The following CFAP299 variants were observed in gnomAD, a reference collection of about 807,000 sequenced individuals.
CFAP299 encodes cilia- and flagella-associated protein 299.
In CFAP299, 21 loss-of-function variants were observed where a neutral mutation model predicts 27.0. The ratio of observed to expected loss-of-function variants is 0.78; its 90% CI spans 0.55 to 1.12. CFAP299 has a LOEUF of 1.12. Ranked by LOEUF, CFAP299 falls within the 50% of genes most tolerant of loss-of-function variation. CFAP299 has a pLI of 0.00. For missense variants in CFAP299, 310 were observed against 276.6 expected (o/e 1.12, Z -0.86); for synonymous variants, 104 against 98.1 (o/e 1.06, Z -0.36).
chr4:80,809,118 A>G (rs1468793540), intron 3 of CFAP299, among the ~76,000 whole-genome samples: 1 of 152,098 alleles, frequency 6.6e-6, no homozygotes, highest in East Asian at 1.9e-4. Context: ...AAGCCAACAA[A>G]CTATTTATAG....
At chr4:80,895,993 C>T (rs1162701838) in intron 4 of CFAP299, among the ~76,000 whole-genome samples, 1 of 152,010 alleles carries the variant, frequency 6.6e-6, no homozygotes, top group Non-Finnish European at 1.5e-5. Context: ...TAACTTCTTT[C>T]ATTTTTAATT....
intron 3 of CFAP299, among the ~76,000 whole-genome samples, chr4:80,840,333 A>G (rs1215632584): frequency 1.3e-5 from 2 of 152,148 alleles, no homozygotes; most frequent in African/African-American, 4.8e-5. Context: ...AATGGTAAAC[A>G]AAAAGCAGAA....
At chr4:80,499,949 T>TA (rs1731659872) in intron 2 of CFAP299, among the ~76,000 whole-genome samples, 1 of 149,986 alleles carries the variant, frequency 6.7e-6, no homozygotes, top group Admixed American at 6.6e-5. Context: ...TTTAGAAACC[T>TA]ACTTATTTTA....
At chr4:80,886,970 A>G (rs1734001596) in intron 4 of CFAP299, among the ~76,000 whole-genome samples, 1 of 152,140 alleles carries the variant, frequency 6.6e-6, no homozygotes, top group African/African-American at 2.4e-5. Flanking sequence ...TAATACTAGA[A>G]TTGATCAAGC....
intron 2 of CFAP299, among the ~76,000 whole-genome samples, chr4:80,442,118 C>T (rs1728388361): frequency 6.6e-6 from 1 of 152,002 alleles, no homozygotes; most frequent in South Asian, 2.1e-4. Context: ...GGAGACTTTA[C>T]CACCCCACTG....
intron 4 of CFAP299, among the ~76,000 whole-genome samples, chr4:80,882,857 A>C (rs961828244): frequency 5.9e-5 from 9 of 152,282 alleles, no homozygotes; most frequent in Non-Finnish European, 1.2e-4. Flanking sequence ...AAAAACTCTA[A>C]AACAAAAATT....
At chr4:80,558,192 A>G (rs181203479) in intron 2 of CFAP299, among the ~76,000 whole-genome samples, 1 of 152,232 alleles carries the variant, frequency 6.6e-6, no homozygotes, top group Admixed American at 6.5e-5. Flanking sequence ...TCTGTTTCCT[A>G]AAGAAGATGT....
intron 3 of CFAP299, among the ~76,000 whole-genome samples, chr4:80,730,768 A>G (rs1271717432): frequency 1.3e-5 from 2 of 152,180 alleles, no homozygotes; most frequent in Non-Finnish European, 2.9e-5. Context: ...AATTTGGGGC[A>G]ATGTATAACT....
At chr4:80,947,380 A>C (rs1189592660) in intron 5 of CFAP299, among the ~76,000 whole-genome samples, 1 of 152,182 alleles carries the variant, frequency 6.6e-6, no homozygotes, top group Non-Finnish European at 1.5e-5. Flanking sequence ...ATGAAAAGAA[A>C]TGTTGGTCTC....
chr4:80,663,497 G>A (rs761920641), intron 3 of CFAP299, among the ~76,000 whole-genome samples: 3 of 152,110 alleles, frequency 2.0e-5, no homozygotes, highest in Non-Finnish European at 4.4e-5. Context: ...AGTATTCCAT[G>A]GTATATATGT....
intron 2 of CFAP299, among the ~76,000 whole-genome samples, chr4:80,515,301 G>T (rs1732524427): frequency 6.6e-6 from 1 of 152,094 alleles, no homozygotes; most frequent in Admixed American, 6.6e-5. Flanking sequence ...GGTTCAGGTT[G>T]TTGTTGAAAT....
chr4:80,779,442 G>A (rs551856551), intron 3 of CFAP299, among the ~76,000 whole-genome samples: 4 of 151,966 alleles, frequency 2.6e-5, no homozygotes, highest in African/African-American at 4.8e-5. Flanking sequence ...AATTAAATGC[G>A]ACCAGGCAAG....
At chr4:80,388,526 G>T (rs765329948) in intron 2 of CFAP299, 1 of 1,441,380 alleles carries the variant, frequency 6.9e-7, no homozygotes, top group Non-Finnish European at 9.7e-7. Context: ...CACTGGCAGC[G>T]AGTTGAATTG....
intron 2 of CFAP299, among the ~76,000 whole-genome samples, chr4:80,449,442 T>C (rs925040565): frequency 2.0e-5 from 3 of 151,902 alleles, no homozygotes; most frequent in African/African-American, 7.2e-5. Flanking sequence ...ACTGTTGTTA[T>C]TAACAATTAG....
chr4:80,471,619 C>T (rs920827339), intron 2 of CFAP299, among the ~76,000 whole-genome samples: 2 of 24,780 alleles, frequency 8.1e-5, no homozygotes, highest in East Asian at 7.0e-4. Context: ...AGCAGGGTGG[C>T]GGGGGGTGGG....
At chr4:80,771,961 G>A (rs941063006) in intron 3 of CFAP299, among the ~76,000 whole-genome samples, 22 of 152,214 alleles carry the variant, frequency 1.4e-4, no homozygotes, top group African/African-American at 4.3e-4. Flanking sequence ...TTGTTATAGC[G>A]AAAAGGAAAA....
intron 3 of CFAP299, among the ~76,000 whole-genome samples, chr4:80,853,565 TATC>T (rs1731648768): frequency 6.6e-6 from 1 of 152,094 alleles, no homozygotes; most frequent in Non-Finnish European, 1.5e-5. Context: ...GCAGAAAACA[TATC>T]ATACAAAAGG....
upstream of CFAP299, among the ~76,000 whole-genome samples, chr4:80,334,425 C>T (rs1422515561): frequency 1.3e-5 from 2 of 152,000 alleles, no homozygotes; most frequent in East Asian, 3.9e-4. Flanking sequence ...TTACAGGCGC[C>T]CACCATCATG....
At chr4:80,575,500 T>C (rs948523678) in intron 2 of CFAP299, among the ~76,000 whole-genome samples, 1 of 151,956 alleles carries the variant, frequency 6.6e-6, no homozygotes, top group East Asian at 1.9e-4. Flanking sequence ...TAATGTCTTC[T>C]TTTTCACTCT....
Sources: gnomAD v4.1 joint callset for allele counts (sites outside exome capture counted in the v4.1 genomes callset) on GRCh38, gnomAD v4.1.1 for gene constraint, MANE v1.5 for transcripts, NCBI Gene and HGNC (gene_info 2026-07-23, HGNC 2026-07-21) for gene names.